Variants in SLC22A24 observed in about 807,000 individuals in gnomAD.
The protein encoded by SLC22A24 is solute carrier family 22 member 24.
In SLC22A24, 53 loss-of-function variants were observed where a neutral mutation model predicts 49.8. The ratio of observed to expected loss-of-function variants is 1.06; its 90% confidence interval spans 0.85 to 1.34. The LOEUF is 1.34. Ranked by LOEUF, SLC22A24 falls within the 40% of genes most tolerant of loss-of-function variation. The pLI is 0.00. For missense variants in SLC22A24, 786 were observed against 675.9 expected (o/e 1.16, Z -1.81); for synonymous variants, 302 against 256.4 (o/e 1.18, Z -1.70).
chr11:63,139,594 A>T (rs927654448), intron 1 of SLC22A24, among the ~76,000 whole-genome samples: 3 of 152,180 alleles, frequency 2.0e-5, no homozygotes, highest in African/African-American at 7.2e-5. Context: ...TGAGACTCTC[A>T]TGGGGGATGG....
chr11:63,132,442 T>C (rs1228726113), intron 2 of SLC22A24, among the ~76,000 whole-genome samples: 2 of 152,232 alleles, frequency 1.3e-5, no homozygotes, highest in Non-Finnish European at 2.9e-5. Flanking sequence ...GTCTTTGATG[T>C]TGGTGACCTA....
Position 63,113,225 on chromosome 11 carries a change from T to C in SLC22A24, c.830+5687A>G, listed in dbSNP as rs1275273764. Among the ~76,000 whole-genome samples, 5 of 18,012 alleles carry C rather than the reference T, an allele frequency of 2.8e-4. 1 individual carries two copies. Among genetic ancestry groups the C allele is most frequent in the Non-Finnish European group, 4.3e-4 (2 of 4,630 alleles). The allele number at this position is 18,012 out of a possible 152,430, so 11.8% of individuals were successfully genotyped here. On this transcript the variant is annotated intron_variant, in intron 4 of 9. Transcript: ENST00000612278. Reference sequence around the variant, plus strand: ...ATACATATATATACACATATATATATATACATATATATATATATACACACA... The same window carrying C: ...ATACATATATATACACATATATATACATACATATATATATATATACACACA...
chr11:63,111,528 C>A (rs1195592253), intron 4 of SLC22A24, among the ~76,000 whole-genome samples: 3 of 152,048 alleles, frequency 2.0e-5, no homozygotes, highest in East Asian at 3.9e-4. Context: ...AATTTCATAG[C>A]CTGTTATTGG....
At chr11:63,094,383 T>C (rs1172343431) in intron 6 of SLC22A24, among the ~76,000 whole-genome samples, 1 of 152,170 alleles carries the variant, frequency 6.6e-6, no homozygotes, top group South Asian at 2.1e-4. Context: ...TCTATCATTG[T>C]TAGACATTTA....
chr11:63,087,464 G>T (rs186137346), intron 6 of SLC22A24, among the ~76,000 whole-genome samples: 2 of 152,150 alleles, frequency 1.3e-5, no homozygotes, highest in Admixed American at 6.5e-5. Context: ...TACCACCAGG[G>T]CCCTGGGCTT....
intron 6 of SLC22A24, among the ~76,000 whole-genome samples, chr11:63,091,185 C>A (rs930532551): frequency 6.6e-6 from 1 of 152,128 alleles, no homozygotes; most frequent in East Asian, 1.9e-4. Flanking sequence ...GACACACACA[C>A]CCTCCCAAGA....
intron 2 of SLC22A24, among the ~76,000 whole-genome samples, chr11:63,130,203 T>G (rs1017846325): frequency 6.6e-6 from 1 of 151,730 alleles, no homozygotes; most frequent in Non-Finnish European, 1.5e-5. Flanking sequence ...TGAATTTTGT[T>G]GAAGGTCTTT....
At chr11:63,087,024 G>GCACGCACACA (rs1555045312) in intron 6 of SLC22A24, among the ~76,000 whole-genome samples, 11 of 132,556 alleles carry the variant, frequency 8.3e-5, no homozygotes, top group South Asian at 7.7e-4. Flanking sequence ...CCTGGAGGGC[G>GCACGCACACA]CACACACACA....
chr11:63,115,024 A>G (rs373933225), intron 4 of SLC22A24, among the ~76,000 whole-genome samples: 233 of 152,288 alleles, frequency 1.5e-3, no homozygotes, highest in Non-Finnish European at 2.9e-3. Context: ...GGGTTCAGGG[A>G]CCCACTTGAG....
chr11:63,124,436 A>G (rs1251790573), intron 2 of SLC22A24, among the ~76,000 whole-genome samples: 2 of 152,216 alleles, frequency 1.3e-5, no homozygotes, highest in Admixed American at 1.3e-4. Context: ...GAAGTGAGCA[A>G]CATATTCTTA....
At chr11:63,113,853 CA>C (rs376625916) in intron 4 of SLC22A24, among the ~76,000 whole-genome samples, 11,011 of 100,114 alleles carry the variant, frequency 0.11, 451 homozygotes, top group African/African-American at 0.16. Flanking sequence ...GACTCCATCT[CA>C]AAAAAAAAAA....
chr11:63,096,898 A>T (rs1327124462), intron 5 of SLC22A24, among the ~76,000 whole-genome samples: 1 of 152,176 alleles, frequency 6.6e-6, no homozygotes, highest in African/African-American at 2.4e-5. Flanking sequence ...TATCATTTAG[A>T]AAATGAATTT....
At chr11:63,111,862 T>C (rs1249150849) in intron 4 of SLC22A24, among the ~76,000 whole-genome samples, 1 of 152,002 alleles carries the variant, frequency 6.6e-6, no homozygotes, top group African/African-American at 2.4e-5. Context: ...ATTTCTGCTC[T>C]GATTTTAGTT....
intron 4 of SLC22A24, among the ~76,000 whole-genome samples, chr11:63,107,579 C>T (rs1284510877): frequency 6.6e-6 from 1 of 152,100 alleles, no homozygotes; most frequent in Non-Finnish European, 1.5e-5. Context: ...GAATGTTTTT[C>T]CACTTGTTTG....
intron 2 of SLC22A24, 32 bp from the exon 3 acceptor site, chr11:63,119,367 AG>A (rs1590743512): frequency 6.7e-7 from 1 of 1,485,046 alleles, no homozygotes; most frequent in East Asian, 2.5e-5. Context: ...AACGTTACTT[AG>A]GAACAAAAAT....
At chr11:63,094,077 GT>G (rs113945140) in intron 6 of SLC22A24, among the ~76,000 whole-genome samples, 132 of 151,668 alleles carry the variant, frequency 8.7e-4, no homozygotes, top group African/African-American at 3.0e-3. Flanking sequence ...TGCCATGTTG[GT>G]GTGCTGCACT....
intron 6 of SLC22A24, among the ~76,000 whole-genome samples, chr11:63,087,573 C>T (rs1395976298): frequency 1.3e-5 from 2 of 152,150 alleles, no homozygotes; most frequent in East Asian, 3.9e-4. Context: ...CAAGACAGAA[C>T]CATTTACTCC....
At chr11:63,109,329 C>A (rs935450983) in intron 4 of SLC22A24, among the ~76,000 whole-genome samples, 5 of 146,810 alleles carry the variant, frequency 3.4e-5, no homozygotes, top group African/African-American at 1.0e-4. Flanking sequence ...GTCTTTATAG[C>A]AGCATGATTT....
intron 2 of SLC22A24, among the ~76,000 whole-genome samples, chr11:63,132,632 T>A (rs1336345090): frequency 6.6e-6 from 1 of 152,114 alleles, no homozygotes; most frequent in African/African-American, 2.4e-5. Flanking sequence ...ACAGCAAATA[T>A]TGCAGAACAG....
Sources: gnomAD v4.1 joint callset for allele counts (sites outside exome capture counted in the v4.1 genomes callset) on GRCh38, gnomAD v4.1.1 for gene constraint, MANE v1.5 for transcripts, NCBI Gene and HGNC (gene_info 2026-07-23, HGNC 2026-07-21) for gene names.